Variants in ULK2 observed in about 807,000 individuals in gnomAD.
The protein encoded by ULK2 is unc-51 like autophagy activating kinase 2, also known as serine/threonine-protein kinase ULK2.
ULK2 carries 76 observed loss-of-function variants against 127.5 expected under a neutral mutation model. The ratio of observed to expected loss-of-function variants is 0.60; its 90% CI spans 0.50 to 0.72. The LOEUF is 0.72. Ranked by LOEUF, ULK2 falls within the 30% of genes least tolerant of loss-of-function variation. The pLI is 0.00. For missense variants in ULK2, 1,144 were observed against 1,295.9 expected, an observed-to-expected ratio of 0.88 and a Z score of 1.80; for synonymous variants, 452 against 461.9, an observed-to-expected ratio of 0.98 and a Z score of 0.28.
intron 5 of ULK2, among the ~76,000 whole-genome samples, chr17:19,849,002 T>C (rs2041957088): frequency 6.6e-6 from 1 of 152,210 alleles, no homozygotes; most frequent in East Asian, 1.9e-4. Flanking sequence ...TTCTTGGATA[T>C]ATTTTTCCAC....
At chr17:19,845,636 A>G (rs1036524710) in intron 6 of ULK2, among the ~76,000 whole-genome samples, 2 of 152,178 alleles carry the variant, frequency 1.3e-5, no homozygotes, top group African/African-American at 4.8e-5. Context: ...TGAAAATGCT[A>G]ATTATAATAA....
chr17:19,865,406 T>C (rs542571142), intron 2 of ULK2, among the ~76,000 whole-genome samples: 2 of 152,118 alleles, frequency 1.3e-5, no homozygotes, highest in Non-Finnish European at 2.9e-5. Flanking sequence ...AAAAACTTAG[T>C]AGTAACATGA....
chr17:19,772,832 G>C lies in ULK2; in HGVS notation c.*3517C>G, dbSNP rs1373690881. The C allele has an allele frequency of 1.3e-5, 2 of 152,116 alleles. No homozygotes were observed. The highest frequency in any genetic ancestry group is 2.9e-5 in the Non-Finnish European group (2 of 68,084). The allele number at this position is 152,116 out of a possible 1,614,324, so 9.4% of individuals were successfully genotyped here. On this transcript the variant is annotated 3_prime_UTR_variant, in exon 27 of 27. Transcript: ENST00000395544. ...CTCTACTAAAAAATACAAAAAATCA[G>C]CCGGGCGTGGTGGCAGGCGCCTGTA...
intron 5 of ULK2, among the ~76,000 whole-genome samples, chr17:19,847,503 T>C (rs878899538): frequency 6.6e-6 from 1 of 152,174 alleles, no homozygotes; most frequent in Non-Finnish European, 1.5e-5. Flanking sequence ...TTCACCACTA[T>C]AAAGAGGTGA....
In ULK2 at chr17:19,782,073, G is replaced by A. The variant is rs1189697857; in HGVS notation, c.2461-6C>T. 2 of 1,612,290 alleles carry A rather than the reference G, an allele frequency of 1.2e-6. No homozygotes were observed. The highest frequency in any genetic ancestry group is 2.2e-5 in the East Asian group (1 of 44,866). ...AAGGTGTCTGTGTGTTCCCGCTGCA[G>A]CAAAGTCAATTTGTCTTAGAAAATT... is the stretch of plus-strand genomic sequence containing the variant. On this transcript the variant is annotated splice_polypyrimidine_tract_variant and splice_region_variant and intron_variant, in intron 22 of 26. Transcript: ENST00000395544.
chr17:19,794,875 G>A (rs1471604364), intron 20 of ULK2, among the ~76,000 whole-genome samples: 2 of 151,982 alleles, frequency 1.3e-5, no homozygotes, highest in African/African-American at 2.4e-5. Flanking sequence ...TCAGGAGATC[G>A]AGACCATCCT....
At chr17:19,796,066 T>C (rs766450681) in intron 19 of ULK2, 29 bp downstream of exon 19, 1 of 1,581,676 alleles carries the variant, frequency 6.3e-7, no homozygotes, top group Admixed American at 1.9e-5. Context: ...GTTTTCATGT[T>C]TAATGCTAGA....
At chr17:19,788,727 T>C (rs1428073442) in intron 20 of ULK2, among the ~76,000 whole-genome samples, 1 of 152,018 alleles carries the variant, frequency 6.6e-6, no homozygotes, top group Non-Finnish European at 1.5e-5. Context: ...GGGTGGGTCT[T>C]AGGCCTAGCA....
chr17:19,803,652 G>A (rs1452324242), intron 15 of ULK2, among the ~76,000 whole-genome samples: 1 of 152,140 alleles, frequency 6.6e-6, no homozygotes, highest in African/African-American at 2.4e-5. Context: ...TCTTGGCACA[G>A]AGGGAACTCC....
At chr17:19,823,048 A>G (rs546068716) in intron 12 of ULK2, among the ~76,000 whole-genome samples, 1 of 138,144 alleles carries the variant, frequency 7.2e-6, no homozygotes, top group South Asian at 2.3e-4. Flanking sequence ...CTGGCCTTGA[A>G]CTCCTGGGAT....
chr17:19,777,240 G>A lies in ULK2; in HGVS notation c.3052+341C>T, dbSNP rs998387583. 5.3e-5 allele frequency among the ~76,000 whole-genome samples: 8 copies of A among 152,298 alleles called. 1 individual carries two copies. Among genetic ancestry groups the A allele is most frequent in the Admixed American group, 3.9e-4 (6 of 15,298 alleles). On this transcript the variant is annotated intron_variant, in intron 26 of 26. Coordinates refer to ENST00000395544, the MANE Select transcript of ULK2 (RefSeq NM_014683.4). ...CTGTCTCAGCCTCCCGAGCAGTGGAGCTTACAGGTATGCGCCATGATGCAC... is the reference window on the plus strand; with the variant it reads ...CTGTCTCAGCCTCCCGAGCAGTGGAACTTACAGGTATGCGCCATGATGCAC...
chr17:19,799,160 CAAA>C (rs899604997), intron 17 of ULK2, among the ~76,000 whole-genome samples: 7 of 68,604 alleles, frequency 1.0e-4, no homozygotes, highest in Admixed American at 1.6e-4. Context: ...GACTCCATTT[CAAA>C]AAAAAAAAAA....
At chr17:19,838,604 A>G (rs1327362665) in intron 9 of ULK2, 21 bp from the exon 10 acceptor site, 2 of 1,598,346 alleles carry the variant, frequency 1.3e-6, no homozygotes, top group Admixed American at 1.7e-5. Context: ...GGAAAAACAC[A>G]ACCACCTAAG....
intron 26 of ULK2, among the ~76,000 whole-genome samples, chr17:19,777,019 A>G (rs1302456174): frequency 6.6e-6 from 1 of 152,212 alleles, no homozygotes; most frequent in Non-Finnish European, 1.5e-5. Context: ...TGCTGTATCT[A>G]TGTATCTATC....
chr17:19,857,788 T>C (rs1175261579), intron 3 of ULK2, among the ~76,000 whole-genome samples: 2 of 152,182 alleles, frequency 1.3e-5, no homozygotes, highest in East Asian at 3.9e-4. Flanking sequence ...AGATCAGATC[T>C]GGCTCCTGCT....
At position 19,775,665 on chromosome 17, in the gene ULK2, T is replaced by C. The variant is rs540749745; in HGVS notation, c.*684A>G. 4 of 152,740 alleles carry C rather than the reference T, an allele frequency of 2.6e-5. No individual in the cohort carries two copies. The East Asian group carries it at 7.7e-4, about 29-fold the overall frequency. 9.5% of individuals were successfully genotyped at this position (152,740 alleles called of 1,614,324 possible). A position where few individuals can be genotyped will look rare whatever the true frequency, so the allele number is the denominator to read the frequency against. ...ACATGTGAATTCTGGAAAGGGTCTA[T>C]GTATACAATCAAGTAAAATATTTTA... On this transcript the variant is annotated 3_prime_UTR_variant, in exon 27 of 27. Coordinates refer to ENST00000395544, the MANE Select transcript of ULK2 (RefSeq NM_014683.4).
chr17:19,842,633 C>G (rs1464726531), intron 8 of ULK2, among the ~76,000 whole-genome samples: 1 of 152,098 alleles, frequency 6.6e-6, no homozygotes, highest in Non-Finnish European at 1.5e-5. Context: ...TGATTATACT[C>G]TACAGGGTCA....
rs768540208 is a variant in ULK2, at chr17:19,797,617, G to A, written c.1588C>T (p.Pro530Ser). 4.3e-6 allele frequency: 7 copies of A among 1,612,968 alleles called. No homozygotes were observed. The Admixed American group carries it at 1.2e-4, about 27-fold the overall frequency. ...TTCTGATAGATGTCAGTGAGGGTGGGGGCGCTCTGCAGTCTAGCACCCGAT... is the reference window on the plus strand; with the variant it reads ...TTCTGATAGATGTCAGTGAGGGTGGAGGCGCTCTGCAGTCTAGCACCCGAT... ...LLSGARLQSA[P>S]TLTDIYQNKQ... is the part of the protein sequence containing the mutation. The change falls in exon 18 of 27, where the codon CCC becomes TCC. Residue 530 changes from proline (P) to serine (S), a missense_variant. Pro to Ser is a moderately conservative substitution (Grantham distance 74). Transcript: ENST00000395544.
At position 19,775,218 on chromosome 17, in the gene ULK2, C is replaced by A. The variant is rs2086793352; in HGVS notation, c.*1131G>T. 2 of 152,640 alleles carry A rather than the reference C, an allele frequency of 1.3e-5. No individual in the cohort carries two copies. The highest frequency in any genetic ancestry group is 6.5e-5 in the Admixed American group (1 of 15,274). The allele number at this position is 152,640 out of a possible 1,614,324, so 9.5% of individuals were successfully genotyped here. A position where few individuals can be genotyped will look rare whatever the true frequency, so the allele number is the denominator to read the frequency against. ...GGATATTAAGTTAACTGCCTGCATT[C>A]TCCATGACTAGCTATTTGGTGAACT... On this transcript the variant is annotated 3_prime_UTR_variant, in exon 27 of 27. Transcript: ENST00000395544.
Sources: allele counts gnomAD v4.1 joint callset (sites outside exome capture counted in the v4.1 genomes callset), GRCh38; gene constraint gnomAD v4.1.1; transcripts MANE v1.5; gene names NCBI Gene and HGNC (gene_info 2026-07-23, HGNC 2026-07-21).